CTNNA2: variants seen among roughly 807,000 people sequenced by gnomAD.
The protein encoded by CTNNA2 is catenin alpha-2.
A neutral mutation model predicts 101.0 loss-of-function variants in CTNNA2; 42 were observed. The observed-to-expected ratio is 0.42, with a 90% CI of 0.32 to 0.54. CTNNA2 has a LOEUF of 0.54. Among genes scored for constraint, CTNNA2 ranks in the 20% least tolerant of loss-of-function variants. The probability of loss-of-function intolerance (pLI) is 0.14; values close to 1 mark genes in which losing one functional copy is unlikely to be tolerated. For synonymous variants in CTNNA2, 450 were observed against 456.4 expected (o/e 0.99, Z 0.18); for missense variants, 871 against 1,223.1 (o/e 0.71, Z 4.29).
chr2:79,553,869 C>G (rs566097155), intron 1 of CTNNA2, among the ~76,000 whole-genome samples: 34 of 152,068 alleles, frequency 2.2e-4, no homozygotes, highest in Non-Finnish European at 4.3e-4. Flanking sequence ...TTCTTGTGAG[C>G]ACATTGTAAG....
chr2:79,561,186 T>TTTTTATATAA (rs1674756177), intron 1 of CTNNA2, among the ~76,000 whole-genome samples: 1 of 151,952 alleles, frequency 6.6e-6, no homozygotes, highest in Non-Finnish European at 1.5e-5. Flanking sequence ...ATATATGACC[T>TTTTTATATAA]TTGTGCCTGG....
chr2:79,337,809 A>G (rs536471183), intron 3 of CTNNA2, among the ~76,000 whole-genome samples: 1 of 152,308 alleles, frequency 6.6e-6, no homozygotes, highest in South Asian at 2.1e-4. Flanking sequence ...AACAAAAAAA[A>G]AAGATCACAT....
intron 2 of CTNNA2, among the ~76,000 whole-genome samples, chr2:79,717,108 A>T (rs567478228): frequency 6.6e-6 from 1 of 152,238 alleles, no homozygotes; most frequent in Non-Finnish European, 1.5e-5. Context: ...CTATTTGTGT[A>T]TGAGCCCTGG....
chr2:80,555,648 T>C (rs771322744), intron 11 of CTNNA2, 45 bp from the exon 12 acceptor site: 1 of 1,214,690 alleles, frequency 8.2e-7, no homozygotes, highest in Admixed American at 2.7e-5. Flanking sequence ...GGTTAAGTTC[T>C]GAGTTATGTA....
At chr2:79,454,548 C>T (rs1421597540) in intron 4 of CTNNA2, among the ~76,000 whole-genome samples, 1 of 152,148 alleles carries the variant, frequency 6.6e-6, no homozygotes, top group Non-Finnish European at 1.5e-5. Flanking sequence ...GGAAATAACC[C>T]TGCTCTGGAA....
chr2:80,603,745 A>G (rs145238365), intron 15 of CTNNA2: 191 of 220,182 alleles, frequency 8.7e-4, no homozygotes, highest in African/African-American at 4.1e-3. Flanking sequence ...AGAATGAGGT[A>G]GTCTGTACAA....
chr2:79,995,281 C>T (rs1692464845), intron 7 of CTNNA2, among the ~76,000 whole-genome samples: 1 of 152,152 alleles, frequency 6.6e-6, no homozygotes, highest in African/African-American at 2.4e-5. Context: ...ATAATGGTCA[C>T]ACAGGCAGGG....
At chr2:79,639,233 A>G (rs1362759911) in intron 1 of CTNNA2, among the ~76,000 whole-genome samples, 1 of 152,212 alleles carries the variant, frequency 6.6e-6, no homozygotes, top group African/African-American at 2.4e-5. Flanking sequence ...ATGAGTCAGA[A>G]CAAAGCTCAT....
chr2:79,363,563 C>CAA (rs56705192), intron 3 of CTNNA2, among the ~76,000 whole-genome samples: 120 of 145,874 alleles, frequency 8.2e-4, no homozygotes, highest in South Asian at 3.5e-3. Context: ...CTTCCCCCAG[C>CAA]AAAAAAAAAA....
chr2:80,357,351 T>C (rs151149615), intron 7 of CTNNA2, among the ~76,000 whole-genome samples: 77 of 151,808 alleles, frequency 5.1e-4, no homozygotes, highest in African/African-American at 1.8e-3. Context: ...GGTAGCATGA[T>C]GTTCTGTAGA....
chr2:79,518,221 A>G (rs1671907565), intron 1 of CTNNA2, among the ~76,000 whole-genome samples: 1 of 152,176 alleles, frequency 6.6e-6, no homozygotes. Flanking sequence ...ACATCGGGCT[A>G]TTTTGTTTGC....
chr2:79,552,669 T>C (rs1453634950), intron 1 of CTNNA2, among the ~76,000 whole-genome samples: 1 of 152,188 alleles, frequency 6.6e-6, no homozygotes, highest in African/African-American at 2.4e-5. Context: ...TCTCACACTC[T>C]GCACACCCTG....
chr2:79,310,314 A>G (rs749658847), intron 2 of CTNNA2, among the ~76,000 whole-genome samples: 1 of 152,210 alleles, frequency 6.6e-6, no homozygotes, highest in African/African-American at 2.4e-5. Context: ...TTTCTTCATT[A>G]TGGAGGTTTT....
At chr2:80,223,550 A>G (rs1221940286) in intron 7 of CTNNA2, among the ~76,000 whole-genome samples, 4 of 152,232 alleles carry the variant, frequency 2.6e-5, no homozygotes, top group African/African-American at 9.6e-5. Flanking sequence ...CTGGGATTAC[A>G]GGCGTGAGCC....
intron 7 of CTNNA2, among the ~76,000 whole-genome samples, chr2:80,144,512 C>T (rs1370807755): frequency 6.6e-6 from 1 of 152,138 alleles, no homozygotes; most frequent in Non-Finnish European, 1.5e-5. Flanking sequence ...AGCTGCTCAC[C>T]AGTCACTTCT....
chr2:79,850,153 C>T (rs987458700), intron 3 of CTNNA2, among the ~76,000 whole-genome samples: 4 of 151,898 alleles, frequency 2.6e-5, no homozygotes, highest in African/African-American at 9.7e-5. Flanking sequence ...CCTTCCCTTC[C>T]TCCCTCCTAC....
intron 2 of CTNNA2, among the ~76,000 whole-genome samples, chr2:79,706,677 C>T (rs954386452): frequency 6.6e-6 from 1 of 152,014 alleles, no homozygotes; most frequent in East Asian, 1.9e-4. Context: ...TCCCAGATGG[C>T]TGAGGAGGTA....
chr2:80,308,287 G>A (rs1573669218), intron 7 of CTNNA2, among the ~76,000 whole-genome samples: 1 of 152,186 alleles, frequency 6.6e-6, no homozygotes, highest in East Asian at 1.9e-4. Context: ...TCTGGGGATT[G>A]GCTTTCCATT....
At chr2:80,617,643 A>C (rs1481925474) in intron 17 of CTNNA2, among the ~76,000 whole-genome samples, 1 of 151,678 alleles carries the variant, frequency 6.6e-6, no homozygotes, top group African/African-American at 2.4e-5. Context: ...TGAAGTGAAA[A>C]ATGGACATGA....
Sources: allele counts gnomAD v4.1 joint callset (sites outside exome capture counted in the v4.1 genomes callset), GRCh38; gene constraint gnomAD v4.1.1; transcripts MANE v1.5; gene names NCBI Gene and HGNC (gene_info 2026-07-23, HGNC 2026-07-21).